PTPRD: variants seen among roughly 807,000 people sequenced by gnomAD.
PTPRD encodes protein tyrosine phosphatase receptor type D.
PTPRD carries 34 observed loss-of-function variants against 214.5 expected under a neutral mutation model. That is an observed-to-expected ratio of 0.16 (90% CI 0.12 to 0.21). The LOEUF is 0.21. PTPRD is among the 10% of genes least tolerant of loss of function. The pLI, the probability that PTPRD is intolerant of heterozygous loss-of-function variation, is 1.00. For missense variants in PTPRD, 2,545 were observed against 2,398.7 expected, an observed-to-expected ratio of 1.06 and a Z score of -1.27; for synonymous variants, 1,128 against 845.7, an observed-to-expected ratio of 1.33 and a Z score of -5.79.
At chr9:9,515,820 A>G (rs1206231086) in intron 8 of PTPRD, among the ~76,000 whole-genome samples, 1 of 152,082 alleles carries the variant, frequency 6.6e-6, no homozygotes, top group East Asian at 1.9e-4. Flanking sequence ...TAGATTCTTT[A>G]TTTTTGTTAT....
In PTPRD at chr9:10,311,486, T is replaced by C. The variant is rs531314306; in HGVS notation, c.-545+29477A>G. On this transcript the variant is annotated intron_variant, in intron 3 of 45. Transcript: ENST00000381196. The stretch of plus-strand genomic sequence containing the variant: ...CTTATTTTGAAATTCAGTTCTCTCA[T>C]CTACAAAATCAAGATAAATATAATT... 9.2e-5 allele frequency among the ~76,000 whole-genome samples: 14 copies of C among 152,162 alleles called. No individual in the cohort carries two copies. The East Asian group carries it at 2.7e-3, about 30-fold the overall frequency.
intron 12 of PTPRD, among the ~76,000 whole-genome samples, chr9:8,705,257 G>C (rs1226240824): frequency 6.6e-6 from 1 of 152,078 alleles, no homozygotes; most frequent in Non-Finnish European, 1.5e-5. Flanking sequence ...GGTCTCACTT[G>C]TCACCCAGAC....
intron 10 of PTPRD, among the ~76,000 whole-genome samples, chr9:9,068,969 G>C (rs1374981936): frequency 2.0e-5 from 3 of 152,020 alleles, no homozygotes; most frequent in Non-Finnish European, 4.4e-5. Context: ...CCGGGTAATA[G>C]GCAAATATCT....
intron 3 of PTPRD, among the ~76,000 whole-genome samples, chr9:10,339,024 G>A (rs2096892840): frequency 6.6e-6 from 1 of 151,700 alleles, no homozygotes; most frequent in Non-Finnish European, 1.5e-5. Flanking sequence ...TCAGAGTTCA[G>A]CTGTCATTAC....
At chr9:9,552,395 C>A (rs925237724) in intron 8 of PTPRD, among the ~76,000 whole-genome samples, 1 of 152,018 alleles carries the variant, frequency 6.6e-6, no homozygotes, top group African/African-American at 2.4e-5. Flanking sequence ...AACTTTCAAA[C>A]CTCTAAAATT....
chr9:9,767,984 G>A (rs115703320), intron 5 of PTPRD, among the ~76,000 whole-genome samples: 6 of 152,076 alleles, frequency 3.9e-5, no homozygotes, highest in African/African-American at 9.7e-5. Flanking sequence ...AGCTATCATC[G>A]AAACAGCACA....
At chr9:10,379,844 T>C (rs1001624613) in intron 2 of PTPRD, among the ~76,000 whole-genome samples, 3 of 152,078 alleles carry the variant, frequency 2.0e-5, no homozygotes, top group Admixed American at 1.3e-4. Context: ...CTGAGTGTTG[T>C]TATAGATAAT....
At chr9:10,371,401 C>T (rs1323487) in intron 2 of PTPRD, among the ~76,000 whole-genome samples, 108,703 of 151,830 alleles carry the variant, frequency 0.72, 39,147 homozygotes, top group East Asian at 0.84. Flanking sequence ...CTCACTGTTT[C>T]GCTCTATTTT....
chr9:9,241,821 A>G (rs1393949179), intron 9 of PTPRD, among the ~76,000 whole-genome samples: 2 of 151,666 alleles, frequency 1.3e-5, no homozygotes, highest in African/African-American at 2.4e-5. Flanking sequence ...GTGTCTTTTA[A>G]TTGGAGCATT....
chr9:8,986,698 T>C (rs542360393), intron 11 of PTPRD, among the ~76,000 whole-genome samples: 3 of 152,198 alleles, frequency 2.0e-5, no homozygotes, highest in Non-Finnish European at 2.9e-5. Flanking sequence ...TTGAAAAATA[T>C]ATGCTCACTT....
chr9:8,480,685 A>G (rs936722145), intron 30 of PTPRD, among the ~76,000 whole-genome samples: 2 of 152,238 alleles, frequency 1.3e-5, no homozygotes, highest in Non-Finnish European at 2.9e-5. Context: ...ATATTTCAAT[A>G]AAGTGGTTTT....
intron 4 of PTPRD, among the ~76,000 whole-genome samples, chr9:10,010,339 G>A (rs936171755): frequency 9.3e-5 from 12 of 128,488 alleles, no homozygotes; most frequent in South Asian, 2.8e-4. Context: ...ACAATTGTTC[G>A]AACATGTGCG....
chr9:8,697,026 G>T (rs1597275323), intron 12 of PTPRD, among the ~76,000 whole-genome samples: 1 of 152,150 alleles, frequency 6.6e-6, no homozygotes, highest in East Asian at 1.9e-4. Context: ...GAGAACAACA[G>T]TAACAGTTTC....
At chr9:9,280,314 A>C (rs931258075) in intron 9 of PTPRD, among the ~76,000 whole-genome samples, 1 of 151,258 alleles carries the variant, frequency 6.6e-6, no homozygotes, top group African/African-American at 2.4e-5. Context: ...GTACATATGA[A>C]AGAAATAAGG....
intron 27 of PTPRD, among the ~76,000 whole-genome samples, chr9:8,492,620 A>C (rs903783467): frequency 6.7e-6 from 1 of 149,592 alleles, no homozygotes; most frequent in Non-Finnish European, 1.5e-5. Flanking sequence ...TGCTCAAAAA[A>C]AAAAAAAAAA....
intron 8 of PTPRD, among the ~76,000 whole-genome samples, chr9:9,486,150 C>CAAAAAAAAAAAAAAAAA (rs71319226): frequency 6.6e-5 from 2 of 30,164 alleles, no homozygotes; most frequent in African/African-American, 3.0e-4. Context: ...GACTCTCTCT[C>CAAAAAAAAAAAAAAAAA]AAAAAAAAAA....
At chr9:9,549,000 T>C (rs1294705248) in intron 8 of PTPRD, among the ~76,000 whole-genome samples, 3 of 152,138 alleles carry the variant, frequency 2.0e-5, no homozygotes, top group African/African-American at 7.2e-5. Flanking sequence ...TCTCAAACAA[T>C]GTAACTGATA....
chr9:9,969,023 C>T (rs4742645), intron 4 of PTPRD, among the ~76,000 whole-genome samples: 2 of 151,880 alleles, frequency 1.3e-5, no homozygotes, highest in African/African-American at 2.4e-5. Flanking sequence ...GGAGAGAGTC[C>T]ATAGTCAAAT....
chr9:9,907,656 A>G (rs183067403), intron 5 of PTPRD, among the ~76,000 whole-genome samples: 6 of 152,102 alleles, frequency 3.9e-5, no homozygotes, highest in African/African-American at 1.2e-4. Context: ...GGGCTTCAAC[A>G]TATGAATTTC....
Sources: gnomAD v4.1 joint callset for allele counts (sites outside exome capture counted in the v4.1 genomes callset) on GRCh38, gnomAD v4.1.1 for gene constraint, MANE v1.5 for transcripts, NCBI Gene and HGNC (gene_info 2026-07-23, HGNC 2026-07-21) for gene names.